The following PTPN3 variants were observed in gnomAD, a reference collection of about 807,000 sequenced individuals.
PTPN3 encodes the protein protein tyrosine phosphatase non-receptor type 3, also known as tyrosine-protein phosphatase non-receptor type 3.
A neutral mutation model predicts 132.7 loss-of-function variants in PTPN3; 96 were observed. The observed-to-expected ratio is 0.72, with a 90% CI of 0.61 to 0.86. PTPN3 has a LOEUF of 0.86. Ranked by LOEUF, PTPN3 falls within the 40% of genes least tolerant of loss-of-function variation. The probability of loss-of-function intolerance (pLI) is 0.00; values close to 1 mark genes in which losing one functional copy is unlikely to be tolerated. For missense variants in PTPN3, 1,125 were observed against 1,159.6 expected, an observed-to-expected ratio of 0.97 and a Z score of 0.43; for synonymous variants, 398 against 429.0, an observed-to-expected ratio of 0.93 and a Z score of 0.89.
rs1838780698 is a variant in PTPN3 at position 109,378,780 on chromosome 9, G to T, written c.*776C>A. 6.5e-6 allele frequency: 1 copy of T among 152,716 alleles called. No homozygotes were observed. The highest frequency in any genetic ancestry group is 6.5e-5 in the Admixed American group (1 of 15,290). 9.5% of individuals were successfully genotyped at this position (152,716 alleles called of 1,614,324 possible). On this transcript the variant is annotated 3_prime_UTR_variant, in exon 26 of 26. Transcript: ENST00000374541. ...TCCAGTCCTGGGTGCTGAGTGTGCA[G>T]TAGGAGGCAAGCAGAGGCAAGAGAC... is the stretch of plus-strand genomic sequence containing the variant.
At chr9:109,419,394 C>T (rs1206868712) in intron 14 of PTPN3, among the ~76,000 whole-genome samples, 1 of 152,174 alleles carries the variant, frequency 6.6e-6, no homozygotes, top group Admixed American at 6.5e-5. Context: ...AACGTGCCTG[C>T]TTGCTAATCC....
intron 16 of PTPN3, among the ~76,000 whole-genome samples, chr9:109,408,869 A>ATATT (rs1443919684): frequency 6.9e-6 from 1 of 145,546 alleles, no homozygotes; most frequent in East Asian, 2.0e-4. Context: ...TGGGCTTTAT[A>ATATT]TATATATATA....
intron 19 of PTPN3, among the ~76,000 whole-genome samples, chr9:109,394,991 T>C (rs1840449763): frequency 6.6e-6 from 1 of 151,540 alleles, no homozygotes; most frequent in Non-Finnish European, 1.5e-5. Flanking sequence ...TACAAAAAAA[T>C]TAGCTGGGCG....
chr9:109,434,654 A>C (rs764856768), intron 9 of PTPN3, among the ~76,000 whole-genome samples: 6 of 152,198 alleles, frequency 3.9e-5, no homozygotes, highest in Non-Finnish European at 8.8e-5. Flanking sequence ...AGTCAGTCAC[A>C]ACTGAGTGTG....
intron 14 of PTPN3, among the ~76,000 whole-genome samples, chr9:109,415,218 G>T (rs1362945879): frequency 2.6e-5 from 4 of 152,058 alleles, no homozygotes; most frequent in Non-Finnish European, 4.4e-5. Flanking sequence ...TGCCCTCAAA[G>T]AATTCACTGT....
chr9:109,470,033 T>C (rs895384959), intron 1 of PTPN3, among the ~76,000 whole-genome samples: 18 of 151,070 alleles, frequency 1.2e-4, no homozygotes, highest in East Asian at 2.1e-4. Context: ...AAGCGCCTTC[T>C]TCCCTCTACT....
chr9:109,535,254 C>T, the PTPN3 span, among the ~76,000 whole-genome samples: 1 of 152,182 alleles, frequency 6.6e-6, no homozygotes, highest in African/African-American at 2.4e-5. Context: ...CTGGTACGTT[C>T]TTTATGATCA....
At chr9:109,505,295 T>C in the PTPN3 span, among the ~76,000 whole-genome samples, 1 of 152,208 alleles carries the variant, frequency 6.6e-6, no homozygotes, top group East Asian at 1.9e-4. Flanking sequence ...TATTTTGGTA[T>C]AGAGTCTTGC....
At chr9:109,474,840 T>G (rs1472025310) in intron 1 of PTPN3, among the ~76,000 whole-genome samples, 1 of 152,126 alleles carries the variant, frequency 6.6e-6, no homozygotes, top group Non-Finnish European at 1.5e-5. Flanking sequence ...GGACCTCAGC[T>G]TCATCACTTA....
intron 2 of PTPN3, among the ~76,000 whole-genome samples, chr9:109,459,593 C>T (rs991437838): frequency 6.6e-6 from 1 of 152,122 alleles, no homozygotes; most frequent in Non-Finnish European, 1.5e-5. Context: ...GCTCCACTGC[C>T]CCTGCTGGAG....
At chr9:109,406,245 T>TCC (rs945826866) in intron 18 of PTPN3, among the ~76,000 whole-genome samples, 1 of 151,882 alleles carries the variant, frequency 6.6e-6, no homozygotes, top group African/African-American at 2.4e-5. Context: ...GGGCGCTGTC[T>TCC]CCCCCCAGAA....
chr9:109,447,296 G>A (rs1844927784), intron 6 of PTPN3, among the ~76,000 whole-genome samples: 1 of 152,120 alleles, frequency 6.6e-6, no homozygotes, highest in South Asian at 2.1e-4. Context: ...AAAGGTGACT[G>A]CAAACTATCT....
At chr9:109,428,524 T>A in intron 11 of PTPN3, 97 bp downstream of exon 11, 1 of 1,265,850 alleles carries the variant, frequency 7.9e-7, no homozygotes, top group East Asian at 2.5e-5. Flanking sequence ...GGCAGGAGGA[T>A]CCCCTGAGCT....
intron 19 of PTPN3, among the ~76,000 whole-genome samples, chr9:109,396,979 T>C (rs1840658319): frequency 6.6e-6 from 1 of 151,382 alleles, no homozygotes; most frequent in Non-Finnish European, 1.5e-5. Context: ...GCCCAGCAAG[T>C]GGAAGCAAGC....
chr9:109,533,738 A>T, the PTPN3 span: 4 of 1,448,236 alleles, frequency 2.8e-6, no homozygotes, highest in Non-Finnish European at 3.7e-6. Flanking sequence ...GGGTCTCCGC[A>T]TGTAGGAAGG....
chr9:109,508,658 C>A, the PTPN3 span, among the ~76,000 whole-genome samples: 12 of 152,270 alleles, frequency 7.9e-5, no homozygotes, highest in East Asian at 7.7e-4. Flanking sequence ...GATGTTGTAT[C>A]TAAAGGTTCT....
chr9:109,439,094 G>A (rs1239561156), intron 7 of PTPN3, among the ~76,000 whole-genome samples: 1 of 152,090 alleles, frequency 6.6e-6, no homozygotes, highest in Admixed American at 6.5e-5. Context: ...ATTCTTGAGA[G>A]TTGTGCAGTG....
the PTPN3 span, among the ~76,000 whole-genome samples, chr9:109,505,889 A>C: frequency 6.6e-6 from 1 of 152,012 alleles, no homozygotes. Flanking sequence ...AGCTGGGACT[A>C]CAGGAGCCTG....
At chr9:109,534,234 G>T in the PTPN3 span, 5 of 1,444,640 alleles carry the variant, frequency 3.5e-6, no homozygotes, top group South Asian at 1.2e-5. Flanking sequence ...TTCCTGTGCC[G>T]CTGCCCGTAG....
Sources: gnomAD v4.1 joint callset for allele counts (sites outside exome capture counted in the v4.1 genomes callset) on GRCh38, gnomAD v4.1.1 for gene constraint, MANE v1.5 for transcripts, NCBI Gene and HGNC (gene_info 2026-07-23, HGNC 2026-07-21) for gene names.